Variants in GSTCD observed in about 807,000 individuals in gnomAD.
GSTCD encodes the protein glutathione S-transferase C-terminal domain containing.
A neutral mutation model predicts 68.3 loss-of-function variants in GSTCD; 44 were observed. The ratio of observed to expected loss-of-function variants is 0.64; its 90% CI spans 0.51 to 0.83. The LOEUF (loss-of-function observed/expected upper bound fraction) is 0.83, where lower values mean the gene tolerates loss of function less well. Ranked by LOEUF, GSTCD falls within the 40% of genes least tolerant of loss-of-function variation. The probability of loss-of-function intolerance (pLI) is 0.00; values close to 1 mark genes in which losing one functional copy is unlikely to be tolerated. For synonymous variants in GSTCD, 273 were observed against 255.2 expected (o/e 1.07, Z -0.67); for missense variants, 739 against 735.9 (o/e 1.00, Z -0.05).
intron 5 of GSTCD, among the ~76,000 whole-genome samples, chr4:105,756,495 TACACACAC>T (rs3055931): frequency 0.059 from 8,222 of 139,440 alleles, 245 homozygotes; most frequent in Middle Eastern, 0.14. Context: ...CCTATGCACA[TACACACAC>T]ACACACACAC....
chr4:105,832,481 T>G (rs1723937569), intron 8 of GSTCD, among the ~76,000 whole-genome samples: 1 of 152,216 alleles, frequency 6.6e-6, no homozygotes, highest in Admixed American at 6.5e-5. Flanking sequence ...GTGTAAGGAA[T>G]GTGAACCTAA....
intron 5 of GSTCD, among the ~76,000 whole-genome samples, chr4:105,738,827 A>G (rs1038661895): frequency 2.0e-5 from 3 of 152,126 alleles, no homozygotes; most frequent in Non-Finnish European, 4.4e-5. Flanking sequence ...GATGCCCTTT[A>G]TTTCTCTTGC....
intron 5 of GSTCD, among the ~76,000 whole-genome samples, chr4:105,780,178 A>G (rs1241854963): frequency 1.1e-4 from 17 of 152,186 alleles, no homozygotes; most frequent in Non-Finnish European, 1.5e-5. Context: ...TATGTCAAAG[A>G]TGGTATCCTC....
intron 5 of GSTCD, among the ~76,000 whole-genome samples, chr4:105,800,629 C>G (rs1736070416): frequency 6.6e-6 from 1 of 152,098 alleles, no homozygotes; most frequent in Non-Finnish European, 1.5e-5. Context: ...TGAAATTATT[C>G]CACACATAGG....
chr4:105,716,248 A>G (rs1362094754), intron 1 of GSTCD, among the ~76,000 whole-genome samples: 2 of 152,152 alleles, frequency 1.3e-5, no homozygotes, highest in East Asian at 1.9e-4. Flanking sequence ...GGTTTTTTTC[A>G]GGGAGCGTGG....
intron 5 of GSTCD, among the ~76,000 whole-genome samples, chr4:105,758,651 A>G (rs1156571271): frequency 6.6e-6 from 1 of 152,174 alleles, no homozygotes; most frequent in Non-Finnish European, 1.5e-5. Context: ...ATTCTCAGGT[A>G]TTTCTTTATA....
chr4:105,831,159 A>G (rs1170204483), intron 8 of GSTCD, among the ~76,000 whole-genome samples: 1 of 152,180 alleles, frequency 6.6e-6, no homozygotes, highest in Non-Finnish European at 1.5e-5. Context: ...TGTTGTATGA[A>G]AGTTTTAAAA....
At chr4:105,786,993 C>G (rs1322856697) in intron 5 of GSTCD, among the ~76,000 whole-genome samples, 1 of 152,024 alleles carries the variant, frequency 6.6e-6, no homozygotes, top group South Asian at 2.1e-4. Context: ...TGTTTACACC[C>G]ACGAGAATTG....
chr4:105,752,093 G>A (rs1239094560), intron 5 of GSTCD, among the ~76,000 whole-genome samples: 1 of 152,076 alleles, frequency 6.6e-6, no homozygotes, highest in Non-Finnish European at 1.5e-5. Context: ...GGTAAAATGG[G>A]CTCACAGCTT....
rs552005612 is a variant in GSTCD at position 105,790,934 on chromosome 4, C to G, written c.1241-32020C>G. 5.9e-4 allele frequency among the ~76,000 whole-genome samples: 90 copies of G among 152,058 alleles called. 3 individuals are homozygous for G. The South Asian group carries it at 0.016, about 26-fold the overall frequency. Reference sequence around the variant, plus strand: ...TTTTATCACTGTACTAAAGCATGGACAGCTAATATATATCTAGCAAACAAT... The same window carrying G: ...TTTTATCACTGTACTAAAGCATGGAGAGCTAATATATATCTAGCAAACAAT... On this transcript the variant is annotated intron_variant, in intron 5 of 11. Transcript: ENST00000515279.
chr4:105,800,230 C>T (rs985908106), intron 5 of GSTCD, among the ~76,000 whole-genome samples: 39 of 152,000 alleles, frequency 2.6e-4, no homozygotes, highest in African/African-American at 9.2e-4. Flanking sequence ...ATGTGGATGG[C>T]GGCAGGCAAG....
intron 9 of GSTCD, among the ~76,000 whole-genome samples, chr4:105,836,904 C>T (rs887715056): frequency 6.6e-5 from 10 of 152,032 alleles, no homozygotes; most frequent in Admixed American, 3.3e-4. Context: ...TTCTATAGTA[C>T]GTGGAAAGAA....
chr4:105,808,675 C>T (rs1022986502), intron 5 of GSTCD, among the ~76,000 whole-genome samples: 1 of 152,124 alleles, frequency 6.6e-6, no homozygotes, highest in African/African-American at 2.4e-5. Context: ...CCCTTATTTG[C>T]AGTTTCGCTT....
At chr4:105,778,332 A>G (rs1286694333) in intron 5 of GSTCD, among the ~76,000 whole-genome samples, 2 of 152,186 alleles carry the variant, frequency 1.3e-5, no homozygotes, top group African/African-American at 4.8e-5. Flanking sequence ...ATATATGTGT[A>G]TATACACACA....
At chr4:105,821,969 A>G (rs1286054630) in intron 5 of GSTCD, among the ~76,000 whole-genome samples, 1 of 151,876 alleles carries the variant, frequency 6.6e-6, no homozygotes, top group Admixed American at 6.6e-5. Context: ...AAGAGAAGAA[A>G]AGAAAAATGT....
In GSTCD at chr4:105,845,342, G is replaced by A. The variant is rs1013286834; in HGVS notation, c.1766-99G>A. The A allele has an allele frequency of 4.3e-5, 56 of 1,297,232 alleles. 1 individual carries two copies. In the Middle Eastern group the frequency reaches 7.4e-4, roughly 17 times the overall value. The allele number at this position is 1,297,232 out of a possible 1,614,324, so 80.4% of individuals were successfully genotyped here. ...TTAGGGGTACAAAGCATGCTCCATA[G>A]TACTTGCAGATTTTGTCACTATATA... On this transcript the variant is annotated intron_variant, in intron 11 of 11. Coordinates refer to ENST00000515279, the MANE Select transcript of GSTCD (RefSeq NM_001370181.1).
intron 5 of GSTCD, among the ~76,000 whole-genome samples, chr4:105,797,571 G>T (rs555757929): frequency 6.6e-6 from 1 of 152,040 alleles, no homozygotes; most frequent in African/African-American, 2.4e-5. Flanking sequence ...ATTTTTGCTG[G>T]TGGAGGGTCT....
At chr4:105,841,561 A>G (rs193052431) in intron 10 of GSTCD, among the ~76,000 whole-genome samples, 2 of 152,126 alleles carry the variant, frequency 1.3e-5, no homozygotes, top group South Asian at 2.1e-4. Context: ...CCAGCTGGGC[A>G]TGGTGGCTCA....
chr4:105,842,585 T>G (rs1225533077), intron 11 of GSTCD, among the ~76,000 whole-genome samples: 1 of 152,182 alleles, frequency 6.6e-6, no homozygotes, highest in Non-Finnish European at 1.5e-5. Context: ...TTGACAATAT[T>G]AAATATTACC....
Sources: allele counts gnomAD v4.1 joint callset (sites outside exome capture counted in the v4.1 genomes callset), GRCh38; gene constraint gnomAD v4.1.1; transcripts MANE v1.5; gene names NCBI Gene and HGNC (gene_info 2026-07-23, HGNC 2026-07-21).